Variants in THEMIS observed in about 807,000 individuals in gnomAD.
THEMIS encodes protein THEMIS.
Under a neutral mutation model 52.6 loss-of-function variants are expected in THEMIS, and 37 were observed. That is an observed-to-expected ratio of 0.70 (90% CI 0.54 to 0.93). The LOEUF (loss-of-function observed/expected upper bound fraction) is 0.93. Ranked by LOEUF, THEMIS falls within the 40% of genes least tolerant of loss-of-function variation. The pLI is 0.00. For missense variants in THEMIS, 808 were observed against 763.1 expected, an observed-to-expected ratio of 1.06 and a Z score of -0.69; for synonymous variants, 292 against 272.7, an observed-to-expected ratio of 1.07 and a Z score of -0.70.
chr6:127,870,029 T>C (rs1171097851), intron 1 of THEMIS, among the ~76,000 whole-genome samples: 1 of 152,190 alleles, frequency 6.6e-6, no homozygotes, highest in African/African-American at 2.4e-5. Flanking sequence ...AGCTGGGTCT[T>C]ACATCTTTTG....
chr6:127,809,032 T>C (rs763940559), intron 4 of THEMIS, among the ~76,000 whole-genome samples: 23 of 152,212 alleles, frequency 1.5e-4, no homozygotes, highest in Non-Finnish European at 3.2e-4. Context: ...TTTAGTAAAG[T>C]TAATGATCCA....
At chr6:127,835,739 A>G (rs960826246) in intron 2 of THEMIS, among the ~76,000 whole-genome samples, 2 of 152,174 alleles carry the variant, frequency 1.3e-5, no homozygotes, top group African/African-American at 4.8e-5. Flanking sequence ...TCTGGCACAG[A>G]TTGAGCAAAA....
Position 127,868,003 on chromosome 6 carries a change from G to A in THEMIS, c.92-12815C>T, listed in dbSNP as rs546846878. Among the ~76,000 whole-genome samples the A allele has an allele frequency of 1.2e-4, 18 of 152,020 alleles. No homozygotes were observed. In the South Asian group the frequency reaches 3.5e-3, roughly 30 times the overall value. The stretch of plus-strand genomic sequence containing the variant: ...CTAGTTAAAAGTCACAGATGAGAAT[G>A]CCTTCTCTACAGTCAAGTTCAAATC... On this transcript the variant is annotated intron_variant, in intron 1 of 5. Transcript: ENST00000368248.
At chr6:127,735,691 C>T (rs756801646) in intron 4 of THEMIS, among the ~76,000 whole-genome samples, 1 of 152,124 alleles carries the variant, frequency 6.6e-6, no homozygotes, top group African/African-American at 2.4e-5. Context: ...CTTCAGAAAG[C>T]CCTGGAATGA....
intron 4 of THEMIS, among the ~76,000 whole-genome samples, chr6:127,720,626 G>A (rs1774329496): frequency 6.6e-6 from 1 of 151,956 alleles, no homozygotes; most frequent in African/African-American, 2.4e-5. Context: ...ATTCAGGCTA[G>A]CCATGTTGGC....
chr6:127,814,963 C>A (rs1156487543), intron 3 of THEMIS, among the ~76,000 whole-genome samples: 1 of 152,010 alleles, frequency 6.6e-6, no homozygotes, highest in Non-Finnish European at 1.5e-5. Flanking sequence ...TCGAGACTAG[C>A]CTGGGCAATA....
intron 4 of THEMIS, among the ~76,000 whole-genome samples, chr6:127,746,725 T>A (rs1285370972): frequency 2.9e-5 from 3 of 103,880 alleles, no homozygotes; most frequent in East Asian, 5.0e-4. Context: ...AATTATATAT[T>A]ATTATATAAT....
intron 4 of THEMIS, among the ~76,000 whole-genome samples, chr6:127,777,077 C>G (rs560064890): frequency 6.6e-6 from 1 of 151,838 alleles, no homozygotes; most frequent in East Asian, 1.9e-4. Context: ...AGACAGCATA[C>G]AGTTGAGTAT....
chr6:127,871,654 G>A (rs1014776413), intron 1 of THEMIS, among the ~76,000 whole-genome samples: 3 of 151,970 alleles, frequency 2.0e-5, no homozygotes, highest in African/African-American at 7.3e-5. Flanking sequence ...AATGTAATAA[G>A]GGAATCAATT....
chr6:127,824,166 ACCTCTC>A (rs1007265975), intron 3 of THEMIS, among the ~76,000 whole-genome samples: 1 of 152,092 alleles, frequency 6.6e-6, no homozygotes, highest in African/African-American at 2.4e-5. Context: ...CACTTCTTCC[ACCTCTC>A]CCTCTGCAGG....
chr6:127,806,299 T>C (rs1051032843), intron 4 of THEMIS, among the ~76,000 whole-genome samples: 8 of 152,266 alleles, frequency 5.3e-5, no homozygotes, highest in African/African-American at 1.7e-4. Context: ...ATAAATAAAT[T>C]TTATAAATTC....
chr6:127,782,198 G>A (rs978139715), intron 4 of THEMIS, among the ~76,000 whole-genome samples: 10 of 152,274 alleles, frequency 6.6e-5, no homozygotes, highest in East Asian at 1.9e-4. Flanking sequence ...TGCTGGTAGC[G>A]AGAATTTCAA....
intron 2 of THEMIS, among the ~76,000 whole-genome samples, chr6:127,846,883 C>T (rs1228324327): frequency 6.6e-6 from 1 of 151,676 alleles, no homozygotes; most frequent in African/African-American, 2.4e-5. Flanking sequence ...TTGCAAAAAT[C>T]CTCAACTAAA....
chr6:127,894,199 T>A (rs954138527), intron 1 of THEMIS, among the ~76,000 whole-genome samples: 1 of 152,034 alleles, frequency 6.6e-6, no homozygotes, highest in African/African-American at 2.4e-5. Flanking sequence ...CTATTTGGCA[T>A]ATAAAGAGAG....
At chr6:127,763,722 A>T (rs894316836) in intron 4 of THEMIS, among the ~76,000 whole-genome samples, 2 of 151,928 alleles carry the variant, frequency 1.3e-5, no homozygotes, top group Non-Finnish European at 2.9e-5. Flanking sequence ...CTGAACTGAG[A>T]TGTGTATAAT....
intron 4 of THEMIS, among the ~76,000 whole-genome samples, chr6:127,759,678 G>A (rs270009): frequency 6.6e-6 from 1 of 151,764 alleles, no homozygotes; most frequent in Admixed American, 6.6e-5. Flanking sequence ...CACATCTATC[G>A]CTACATCCCT....
intron 4 of THEMIS, among the ~76,000 whole-genome samples, chr6:127,721,583 G>A (rs2114490337): frequency 6.6e-6 from 1 of 152,064 alleles, no homozygotes; most frequent in South Asian, 2.1e-4. Flanking sequence ...CAAAAGATCA[G>A]TTTGGATGTT....
chr6:127,748,616 G>A lies in THEMIS; in HGVS notation c.1759-28793C>T, dbSNP rs59699809. On this transcript the variant is annotated intron_variant, in intron 4 of 5. Coordinates refer to ENST00000368248, the MANE Select transcript of THEMIS (RefSeq NM_001010923.3). Reference sequence around the variant, plus strand: ...GAATACTGGAGGAGACAGTTAAATCGTAACAAAGGCTCTGCTTTACCAACA... The same window carrying A: ...GAATACTGGAGGAGACAGTTAAATCATAACAAAGGCTCTGCTTTACCAACA... Among the ~76,000 whole-genome samples the A allele has an allele frequency of 3.0e-3, 449 of 152,058 alleles. 4 individuals carry two copies. Among genetic ancestry groups the A allele is most frequent in the African/African-American group, 7.7e-3 (318 of 41,494 alleles).
chr6:127,834,546 T>C (rs544267164), intron 2 of THEMIS, among the ~76,000 whole-genome samples: 2 of 152,020 alleles, frequency 1.3e-5, no homozygotes, highest in Non-Finnish European at 2.9e-5. Flanking sequence ...AACATGTCAC[T>C]GCACTCCAGC....
Sources: gnomAD v4.1 joint callset for allele counts (sites outside exome capture counted in the v4.1 genomes callset) on GRCh38, gnomAD v4.1.1 for gene constraint, MANE v1.5 for transcripts, NCBI Gene and HGNC (gene_info 2026-07-23, HGNC 2026-07-21) for gene names.